Variants in GPR149 observed in about 807,000 individuals in gnomAD.
GPR149 encodes probable G protein-coupled receptor 149.
A neutral mutation model predicts 50.2 loss-of-function variants in GPR149; 50 were observed. The observed-to-expected ratio is 1.00, with a 90% CI of 0.79 to 1.26. The LOEUF (loss-of-function observed/expected upper bound fraction) is 1.26, where lower values mean the gene tolerates loss of function less well. Ranked by LOEUF, GPR149 falls within the 50% of genes most tolerant of loss-of-function variation. The pLI, the probability that GPR149 is intolerant of heterozygous loss-of-function variation, is 0.00. For missense variants in GPR149, 983 were observed against 895.4 expected (o/e 1.10, Z -1.25); for synonymous variants, 405 against 358.2 (o/e 1.13, Z -1.48).
intron 3 of GPR149, chr3:154,354,205 A>C: frequency 2.0e-6 from 1 of 493,892 alleles, no homozygotes; most frequent in Non-Finnish European, 3.9e-6. Context: ...TTGATTTCTC[A>C]TCTGGGTCAT....
intron 3 of GPR149, among the ~76,000 whole-genome samples, chr3:154,396,918 A>ATTG (rs914790178): frequency 1.7e-4 from 26 of 151,106 alleles, no homozygotes; most frequent in African/African-American, 6.1e-4. Context: ...ATTTTTTGTC[A>ATTG]TTGTTGTTGT....
rs999548551 is a variant in GPR149 at position 154,377,519 on chromosome 3, A to C, written c.1624-39248T>G. On this transcript the variant is annotated intron_variant, in intron 3 of 3. Coordinates refer to ENST00000389740, the MANE Select transcript of GPR149 (RefSeq NM_001038705.3). ...GTGGCTGGGACTACAGGCGTGCGCCACCATGCCTAGCTAATTTTTGTATTT... is the reference window on the plus strand; with the variant it reads ...GTGGCTGGGACTACAGGCGTGCGCCCCCATGCCTAGCTAATTTTTGTATTT... Among the ~76,000 whole-genome samples, 3 of 151,884 alleles carry C rather than the reference A, an allele frequency of 2.0e-5. No individual in the cohort carries two copies. In the East Asian group the frequency reaches 5.8e-4, roughly 29 times the overall value.
chr3:154,386,530 T>G (rs1401214280), intron 3 of GPR149, among the ~76,000 whole-genome samples: 1 of 152,190 alleles, frequency 6.6e-6, no homozygotes, highest in African/African-American at 2.4e-5. Context: ...AGTTTCAAGG[T>G]TGAGCTTGTA....
At chr3:154,352,042 A>T in intron 3 of GPR149, 1 of 398,678 alleles carries the variant, frequency 2.5e-6, no homozygotes, top group Admixed American at 3.4e-5. Context: ...TAGCAGACAC[A>T]TACCTCAACT....
At chr3:154,358,145 TG>T (rs1273149018) in intron 3 of GPR149, among the ~76,000 whole-genome samples, 3 of 125,000 alleles carry the variant, frequency 2.4e-5, no homozygotes, top group Non-Finnish European at 5.0e-5. Flanking sequence ...TGTTGTGGGG[TG>T]GGGGGTGTGG....
chr3:154,362,808 T>A (rs1714444148), intron 3 of GPR149, among the ~76,000 whole-genome samples: 1 of 152,238 alleles, frequency 6.6e-6, no homozygotes, highest in African/African-American at 2.4e-5. Context: ...GCATACTTTT[T>A]CTTACAGTTG....
chr3:154,373,972 A>G (rs992635955), intron 3 of GPR149, among the ~76,000 whole-genome samples: 5 of 152,188 alleles, frequency 3.3e-5, no homozygotes, highest in Non-Finnish European at 7.3e-5. Flanking sequence ...TTTTGTGTCT[A>G]ACAAAAAAGG....
At chr3:154,361,427 G>A (rs1004469391) in intron 3 of GPR149, among the ~76,000 whole-genome samples, 2 of 152,140 alleles carry the variant, frequency 1.3e-5, no homozygotes, top group African/African-American at 4.8e-5. Flanking sequence ...ATGTTTCTTT[G>A]TAACCTGATT....
At chr3:154,404,873 T>TCAGCAG (rs113209792) in intron 3 of GPR149, among the ~76,000 whole-genome samples, 8,850 of 151,142 alleles carry the variant, frequency 0.059, 350 homozygotes, top group East Asian at 0.16. Flanking sequence ...ATCATCATCA[T>TCAGCAG]CAGCAGCAGC....
chr3:154,385,576 T>C (rs1408553447), intron 3 of GPR149, among the ~76,000 whole-genome samples: 2 of 152,092 alleles, frequency 1.3e-5, no homozygotes, highest in Non-Finnish European at 2.9e-5. Context: ...CTCTTTTTGG[T>C]TTGTTCGTTT....
rs368538391 is a variant in GPR149 at position 154,339,712 on chromosome 3, A to G, written c.1624-1441T>C. Among the ~76,000 whole-genome samples the G allele has an allele frequency of 2.1e-5, 3 of 145,302 alleles. No individual in the cohort carries two copies. The East Asian group carries it at 6.4e-4, about 31-fold the overall frequency. On this transcript the variant is annotated intron_variant, in intron 3 of 3. Transcript: ENST00000389740. ...TTCTCACTATTGGAGAACAGTTTAG[A>G]TTATTTTCTGTTTAAAGAAGTTTGA...
intron 3 of GPR149, among the ~76,000 whole-genome samples, chr3:154,420,133 A>G (rs973366340): frequency 6.6e-6 from 1 of 152,028 alleles, no homozygotes; most frequent in Non-Finnish European, 1.5e-5. Flanking sequence ...ATCAATGAGT[A>G]CATTACTCCT....
chr3:154,361,984 T>C (rs1029254710), intron 3 of GPR149, among the ~76,000 whole-genome samples: 2 of 152,142 alleles, frequency 1.3e-5, no homozygotes, highest in Non-Finnish European at 2.9e-5. Flanking sequence ...AAATTTATAT[T>C]TGTGAAGAGT....
Position 154,337,665 on chromosome 3 carries a change from G to T in GPR149, c.*34C>A. The T allele has an allele frequency of 6.9e-7, 1 of 1,453,798 alleles. No individual in the cohort carries two copies. Among genetic ancestry groups the T allele is most frequent in the South Asian group, 1.4e-5 (1 of 72,500 alleles). 90.1% of individuals were successfully genotyped at this position (1,453,798 alleles called of 1,614,324 possible). A position where few individuals can be genotyped will look rare whatever the true frequency, so the allele number is the denominator to read the frequency against. Reference sequence around the variant, plus strand: ...TGTTAGTTTCACAGTTGACGTTGCAGATCCATTCTTGCTCCTGTTAGACCA... The same window carrying T: ...TGTTAGTTTCACAGTTGACGTTGCATATCCATTCTTGCTCCTGTTAGACCA... On this transcript the variant is annotated 3_prime_UTR_variant, in exon 4 of 4. Coordinates refer to ENST00000389740, the MANE Select transcript of GPR149 (RefSeq NM_001038705.3).
chr3:154,372,465 C>A (rs969103495), intron 3 of GPR149, among the ~76,000 whole-genome samples: 3 of 152,160 alleles, frequency 2.0e-5, no homozygotes, highest in African/African-American at 4.8e-5. Context: ...TCCTTGTAAA[C>A]ACAATTTGTA....
chr3:154,353,844 G>T, intron 3 of GPR149: 2 of 624,500 alleles, frequency 3.2e-6, no homozygotes, highest in South Asian at 3.5e-5. Context: ...GTCCTAACTT[G>T]AATAGGAAAG....
rs1275313400 is a variant in GPR149, at chr3:154,392,918, G to A, written c.1623+28121C>T. Among the ~76,000 whole-genome samples the A allele has an allele frequency of 2.6e-5, 4 of 151,898 alleles. No homozygotes were observed. The South Asian group carries it at 6.2e-4, about 24-fold the overall frequency. On this transcript the variant is annotated intron_variant, in intron 3 of 3. Transcript: ENST00000389740. Reference sequence around the variant, plus strand: ...AAATCTGAACAGACCTATACCCAGTGGAGGGATTGAAATAGTAATCAAAAA... The same window carrying A: ...AAATCTGAACAGACCTATACCCAGTAGAGGGATTGAAATAGTAATCAAAAA...
chr3:154,400,614 T>C (rs1378625450), intron 3 of GPR149, among the ~76,000 whole-genome samples: 1 of 138,106 alleles, frequency 7.2e-6, no homozygotes, highest in Non-Finnish European at 1.5e-5. Flanking sequence ...GAGCCTCCCC[T>C]GATACCACTG....
intron 1 of GPR149, among the ~76,000 whole-genome samples, chr3:154,428,009 G>T (rs1000749013): frequency 6.6e-6 from 1 of 152,184 alleles, no homozygotes; most frequent in Non-Finnish European, 1.5e-5. Flanking sequence ...GGAAACAGGC[G>T]TCCGTGAAAC....
Sources: gnomAD v4.1 joint callset for allele counts (sites outside exome capture counted in the v4.1 genomes callset) on GRCh38, gnomAD v4.1.1 for gene constraint, MANE v1.5 for transcripts, NCBI Gene and HGNC (gene_info 2026-07-23, HGNC 2026-07-21) for gene names.